SEC23IP: variants seen among roughly 807,000 people sequenced by gnomAD.
SEC23IP encodes the protein SEC23 interacting protein.
In SEC23IP, 70 loss-of-function variants were observed where a neutral mutation model predicts 113.4. That is an observed-to-expected ratio of 0.62 (90% CI 0.51 to 0.75). SEC23IP has a LOEUF of 0.75. Ranked by LOEUF, SEC23IP falls within the 30% of genes least tolerant of loss-of-function variation. The probability of loss-of-function intolerance (pLI) is 0.00; values close to 1 mark genes in which losing one functional copy is unlikely to be tolerated. For synonymous variants in SEC23IP, 398 were observed against 421.0 expected, an observed-to-expected ratio of 0.95 and a Z score of 0.67; for missense variants, 1,160 against 1,204.9, an observed-to-expected ratio of 0.96 and a Z score of 0.55.
Position 119,932,322 on chromosome 10 carries a change from A to G in SEC23IP, c.2758+4A>G. 2 of 1,605,316 alleles carry G rather than the reference A, an allele frequency of 1.2e-6. No individual in the cohort carries two copies. Among genetic ancestry groups the G allele is most frequent in the East Asian group, 2.2e-5 (1 of 44,742 alleles). On this transcript the variant is annotated splice_donor_region_variant and intron_variant, in intron 16 of 18. Coordinates refer to ENST00000369075, the MANE Select transcript of SEC23IP (RefSeq NM_007190.4). ...GAAGAAAAGCAAGTAGTTGAAGGTA[A>G]ATTTGACATTTGAGGCATTTTCTAA... is the stretch of plus-strand genomic sequence containing the variant.
Position 119,929,767 on chromosome 10 carries a change from G to A in SEC23IP, c.2469+5G>A. Reference sequence around the variant, plus strand: ...TTCTTCAATATTTATCATCCGGTGAGTAATTGAATTTACTTTGTTTTTTAA... The same window carrying A: ...TTCTTCAATATTTATCATCCGGTGAATAATTGAATTTACTTTGTTTTTTAA... On this transcript the variant is annotated splice_donor_5th_base_variant and intron_variant, in intron 14 of 18. Coordinates refer to ENST00000369075, the MANE Select transcript of SEC23IP (RefSeq NM_007190.4). 6.4e-7 allele frequency: 1 copy of A among 1,556,242 alleles called. No homozygotes were observed. The highest frequency in any genetic ancestry group is 8.7e-7 in the Non-Finnish European group (1 of 1,146,794).
At position 119,902,856 on chromosome 10, in the gene SEC23IP, C is replaced by T; in HGVS notation, c.754C>T (p.Pro252Ser). 1 of 1,614,204 alleles carries T rather than the reference C, an allele frequency of 6.2e-7. No individual in the cohort carries two copies. The highest frequency in any genetic ancestry group is 1.6e-4 in the Middle Eastern group (1 of 6,062). Residue 252 changes from proline to serine, a missense_variant, in exon 3 of 19, where the codon CCC becomes TCC. Physicochemically the swap from Pro to Ser is moderately conservative, Grantham distance 74. Coordinates refer to ENST00000369075, the MANE Select transcript of SEC23IP (RefSeq NM_007190.4). ...QQQVPARPGA[P>S]SVQVPSPFLL... ...GCAGGTACCTGCCAGACCTGGGGCT[C>T]CCTCTGTTCAAGTGCCATCTCCTTT...
Position 119,929,762 on chromosome 10 carries a change from G to A in SEC23IP, c.2469G>A (p.Pro823=), listed in dbSNP as rs200581389. ...AAGGGTTCTTCAATATTTATCATCCGGTGAGTAATTGAATTTACTTTGTTT... is the reference window on the plus strand; with the variant it reads ...AAGGGTTCTTCAATATTTATCATCCAGTGAGTAATTGAATTTACTTTGTTT... ...TCKGFFNIYH[P]LDPVAYRLEP... is the part of the protein sequence containing the mutation. The change falls in exon 14 of 19, where the codon CCG becomes CCA. Residue 823 remains proline (P), a splice_region_variant and synonymous_variant. Coordinates refer to ENST00000369075, the MANE Select transcript of SEC23IP (RefSeq NM_007190.4). 5.7e-6 allele frequency: 9 copies of A among 1,565,910 alleles called. No homozygotes were observed. Among genetic ancestry groups the A allele is most frequent in the South Asian group, 2.4e-5 (2 of 84,576 alleles).
chr10:119,932,014 A>G, intron 15 of SEC23IP, 119 bp from the exon 16 acceptor site: 2 of 621,374 alleles, frequency 3.2e-6, no homozygotes, highest in East Asian at 2.7e-5. Flanking sequence ...TATATTTGAC[A>G]TTGAAAAGAG....
chr10:119,926,477 A>G (rs961702535), intron 13 of SEC23IP, among the ~76,000 whole-genome samples: 2 of 152,194 alleles, frequency 1.3e-5, no homozygotes, highest in Non-Finnish European at 2.9e-5. Flanking sequence ...TCATACTTTT[A>G]TAGCATCAGT....
intron 1 of SEC23IP, among the ~76,000 whole-genome samples, chr10:119,895,783 G>A (rs770237321): frequency 2.3e-4 from 35 of 152,050 alleles, no homozygotes; most frequent in Non-Finnish European, 5.0e-4. Flanking sequence ...CAGGGATGGA[G>A]CTCATCCCTC....
At chr10:119,922,435 CA>C (rs1231945704) in intron 12 of SEC23IP, among the ~76,000 whole-genome samples, 1 of 152,118 alleles carries the variant, frequency 6.6e-6, no homozygotes, top group African/African-American at 2.4e-5. Flanking sequence ...TTAAACATTA[CA>C]AAATGCTGAC....
chr10:119,915,250 G>C (rs1485258230), intron 7 of SEC23IP, among the ~76,000 whole-genome samples: 3 of 152,206 alleles, frequency 2.0e-5, no homozygotes, highest in Non-Finnish European at 4.4e-5. Context: ...TATATGCCAA[G>C]TATCTTAGAT....
intron 1 of SEC23IP, among the ~76,000 whole-genome samples, chr10:119,896,553 A>G (rs1439846408): frequency 2.0e-5 from 3 of 152,200 alleles, no homozygotes; most frequent in Admixed American, 6.5e-5. Flanking sequence ...ACACACGAGA[A>G]TGGTCTGGGC....
chr10:119,922,059 G>C (rs1341752912), intron 12 of SEC23IP, among the ~76,000 whole-genome samples: 2 of 152,134 alleles, frequency 1.3e-5, no homozygotes, highest in African/African-American at 4.8e-5. Flanking sequence ...TTAACCAAGA[G>C]TGTGCTGTCT....
In SEC23IP at chr10:119,930,438, A is replaced by C; in HGVS notation, c.2572+7A>C. The C allele has an allele frequency of 7.1e-6, 11 of 1,551,250 alleles. No homozygotes were observed. Among genetic ancestry groups the C allele is most frequent in the Non-Finnish European group, 9.7e-6 (11 of 1,129,628 alleles). On this transcript the variant is annotated splice_region_variant and intron_variant, in intron 15 of 18. Transcript: ENST00000369075. ...AGAAAAAGACTTCATTTAGGTAAAA[A>C]GCAAATACTATAAAAACTTTTTTTC...
intron 1 of SEC23IP, among the ~76,000 whole-genome samples, chr10:119,894,370 G>A (rs958909301): frequency 2.0e-4 from 30 of 152,196 alleles, no homozygotes; most frequent in African/African-American, 7.2e-4. Flanking sequence ...GGCACACTGG[G>A]AACAGCTGTA....
chr10:119,928,183 G>A (rs1855483370), intron 13 of SEC23IP, among the ~76,000 whole-genome samples: 1 of 152,108 alleles, frequency 6.6e-6, no homozygotes, highest in Non-Finnish European at 1.5e-5. Context: ...CACTAGTGAG[G>A]TTATTTTCTC....
At chr10:119,920,044 A>AAAGTACAATGGG (rs1855197767) in intron 11 of SEC23IP, among the ~76,000 whole-genome samples, 1 of 152,232 alleles carries the variant, frequency 6.6e-6, no homozygotes, top group Admixed American at 6.5e-5. Flanking sequence ...ATGGAAATTG[A>AAAGTACAATGGG]AAGTACAATG....
At chr10:119,938,777 G>A (rs1855874872) in intron 18 of SEC23IP, among the ~76,000 whole-genome samples, 1 of 152,102 alleles carries the variant, frequency 6.6e-6, no homozygotes, top group South Asian at 2.1e-4. Flanking sequence ...GGAAAACTCA[G>A]AACCTTCTAT....
intron 1 of SEC23IP, among the ~76,000 whole-genome samples, chr10:119,894,326 G>A (rs1424690539): frequency 6.6e-6 from 1 of 152,168 alleles, no homozygotes; most frequent in East Asian, 1.9e-4. Context: ...CTTGTTTGAA[G>A]GATGAAAGAC....
intron 2 of SEC23IP, among the ~76,000 whole-genome samples, chr10:119,900,460 C>T (rs1161848829): frequency 6.6e-6 from 1 of 151,996 alleles, no homozygotes; most frequent in Non-Finnish European, 1.5e-5. Flanking sequence ...CAGGCACATG[C>T]TGCCATACCT....
At chr10:119,908,217 G>A (rs1385460511) in intron 4 of SEC23IP, among the ~76,000 whole-genome samples, 1 of 152,070 alleles carries the variant, frequency 6.6e-6, no homozygotes, top group African/African-American at 2.4e-5. Flanking sequence ...TGAAGATTTT[G>A]GAGTCAGAAA....
chr10:119,940,401 A>G (rs1855927376), intron 18 of SEC23IP, among the ~76,000 whole-genome samples, 185 bp from the exon 19 acceptor site: 1 of 151,438 alleles, frequency 6.6e-6, no homozygotes, highest in African/African-American at 2.4e-5. Context: ...GTTAGTCAGG[A>G]TGGTCTCGAT....
Sources: allele counts gnomAD v4.1 joint callset (sites outside exome capture counted in the v4.1 genomes callset), GRCh38; gene constraint gnomAD v4.1.1; transcripts MANE v1.5; gene names NCBI Gene and HGNC (gene_info 2026-07-23, HGNC 2026-07-21).